CCDC141: variants seen among roughly 807,000 people sequenced by gnomAD.
The protein encoded by CCDC141 is coiled-coil domain containing 141, also known as coiled-coil domain-containing protein 141.
In CCDC141, 168 loss-of-function variants were observed where a neutral mutation model predicts 181.0. The observed-to-expected ratio is 0.93, with a 90% CI of 0.82 to 1.05. CCDC141 has a LOEUF of 1.05. Among genes scored for constraint, CCDC141 ranks in the 50% least tolerant of loss-of-function variants. The probability of loss-of-function intolerance (pLI) is 0.00; values close to 1 mark genes in which losing one functional copy is unlikely to be tolerated. For missense variants in CCDC141, 1,902 were observed against 1,788.5 expected (o/e 1.06, Z -1.14); for synonymous variants, 666 against 642.3 (o/e 1.04, Z -0.56).
intron 6 of CCDC141, among the ~76,000 whole-genome samples, chr2:178,931,829 C>T (rs1006530504): frequency 5.9e-5 from 9 of 151,950 alleles, no homozygotes; most frequent in African/African-American, 2.2e-4. Context: ...TCTTAAAGCC[C>T]ATATTATGTT....
intron 14 of CCDC141, among the ~76,000 whole-genome samples, chr2:178,869,575 C>A (rs984022887): frequency 1.3e-5 from 2 of 152,154 alleles, no homozygotes; most frequent in Admixed American, 1.3e-4. Context: ...TCATACATTT[C>A]TATGGCATAC....
intron 6 of CCDC141, among the ~76,000 whole-genome samples, chr2:178,923,004 A>G (rs1279805595): frequency 2.0e-5 from 3 of 152,106 alleles, no homozygotes; most frequent in Admixed American, 1.3e-4. Flanking sequence ...TCTTTGGGCA[A>G]TCTATAGGCA....
intron 8 of CCDC141, among the ~76,000 whole-genome samples, chr2:178,889,058 C>T (rs1687021941): frequency 6.6e-6 from 1 of 152,050 alleles, no homozygotes; most frequent in Non-Finnish European, 1.5e-5. Context: ...TGTGGATCAG[C>T]CAATTAACAA....
chr2:178,943,693 C>T (rs1305182970), intron 6 of CCDC141, among the ~76,000 whole-genome samples: 3 of 151,990 alleles, frequency 2.0e-5, no homozygotes, highest in Non-Finnish European at 2.9e-5. Context: ...TCTACTATGA[C>T]GGACTTCTGT....
Position 178,865,815 on chromosome 2 carries a change from G to A in CCDC141, c.2676C>T (p.Thr892=), listed in dbSNP as rs1685823924. ...WRAKAEEYGR[T]LSRSVEYCAM... ...CGCAGTACTCCACACTACGGGACAG[G>A]GTCCGTCCATACTCCTCAGCTTTGG... Residue 892 remains threonine, a synonymous_variant, in exon 17 of 24, where the codon ACC becomes ACT. Coordinates refer to ENST00000443758, the MANE Select transcript of CCDC141 (RefSeq NM_173648.4). 1 of 1,605,304 alleles carries A rather than the reference G, an allele frequency of 6.2e-7. No individual in the cohort carries two copies. Among genetic ancestry groups the A allele is most frequent in the Non-Finnish European group, 8.5e-7 (1 of 1,175,636 alleles).
intron 2 of CCDC141, among the ~76,000 whole-genome samples, chr2:179,032,118 A>C (rs1263283024): frequency 1.3e-5 from 2 of 152,052 alleles, no homozygotes; most frequent in Non-Finnish European, 2.9e-5. Context: ...GTACCCTGGA[A>C]ACCCCCCTTA....
intron 6 of CCDC141, among the ~76,000 whole-genome samples, chr2:178,926,326 T>G (rs1265301075): frequency 6.6e-6 from 1 of 152,210 alleles, no homozygotes; most frequent in African/African-American, 2.4e-5. Flanking sequence ...AATTGGAAGA[T>G]AGATTCTATA....
At chr2:178,880,803 T>C (rs914500663) in intron 11 of CCDC141, among the ~76,000 whole-genome samples, 2 of 152,092 alleles carry the variant, frequency 1.3e-5, no homozygotes, top group Non-Finnish European at 2.9e-5. Context: ...GAGAAAGTGA[T>C]TAAAAGAGAC....
At position 178,971,380 on chromosome 2, in the gene CCDC141, C is replaced by T. The variant is rs185181928; in HGVS notation, c.526+3677G>A. Among the ~76,000 whole-genome samples, 725 of 152,324 alleles carry T rather than the reference C, an allele frequency of 4.8e-3. 7 individuals are homozygous for T. The highest frequency in any genetic ancestry group is 0.017 in the African/African-American group (695 of 41,562). On this transcript the variant is annotated intron_variant, in intron 4 of 23. Transcript: ENST00000443758. ...TCAAAACCACAATGAGATACCATCT[C>T]ACACCAGTTAGAATGGCAATCATCA...
chr2:178,831,891 A>G lies in CCDC141; in HGVS notation c.*2282T>C, dbSNP rs1187253755. 1 of 151,820 alleles carries G rather than the reference A, an allele frequency of 6.6e-6. No homozygotes were observed. The highest frequency in any genetic ancestry group is 1.5e-5 in the Non-Finnish European group (1 of 68,144). The allele number at this position is 151,820 out of a possible 1,614,324, so 9.4% of individuals were successfully genotyped here. ...CTTTCTCTTTCTCTCTCTCTCTAAAAATGGATTTTGCATGCTTTTTTCCAT... is the reference window on the plus strand; with the variant it reads ...CTTTCTCTTTCTCTCTCTCTCTAAAGATGGATTTTGCATGCTTTTTTCCAT... On this transcript the variant is annotated 3_prime_UTR_variant, in exon 24 of 24. Transcript: ENST00000443758.
At chr2:178,925,549 A>C (rs1688876823) in intron 6 of CCDC141, among the ~76,000 whole-genome samples, 1 of 152,250 alleles carries the variant, frequency 6.6e-6, no homozygotes, top group African/African-American at 2.4e-5. Context: ...AACATAGATG[A>C]AAATTTAATT....
intron 11 of CCDC141, among the ~76,000 whole-genome samples, chr2:178,883,656 C>T (rs566008752): frequency 8.5e-5 from 13 of 152,262 alleles, no homozygotes; most frequent in African/African-American, 2.9e-4. Context: ...GTTGGCTCTA[C>T]CCCTGAGTGA....
At chr2:178,986,466 G>A (rs538956710) in intron 2 of CCDC141, among the ~76,000 whole-genome samples, 1 of 152,300 alleles carries the variant, frequency 6.6e-6, no homozygotes, top group East Asian at 1.9e-4. Context: ...GTTCTGGCCA[G>A]GGCAATTAGG....
At position 178,982,207 on chromosome 2, in the gene CCDC141, C is replaced by T. The variant is rs75810234; in HGVS notation, c.226-3532G>A. ...AGGTGACTACACTGGTGAATTCTAC[C>T]AAATGTTTAAAGAAGAAATGATGCT... On this transcript the variant is annotated intron_variant, in intron 2 of 23. Coordinates refer to ENST00000443758, the MANE Select transcript of CCDC141 (RefSeq NM_173648.4). Among the ~76,000 whole-genome samples, 16 of 152,094 alleles carry T rather than the reference C, an allele frequency of 1.1e-4. 1 individual carries two copies. The East Asian group carries it at 3.1e-3, about 29-fold the overall frequency.
the CCDC141 span, among the ~76,000 whole-genome samples, chr2:178,815,135 T>C: frequency 2.0e-5 from 3 of 152,162 alleles, no homozygotes; most frequent in Non-Finnish European, 2.9e-5. Context: ...AAGTTTAAGT[T>C]GCCCAGTCTG....
chr2:178,977,255 T>C (rs1053289682), intron 3 of CCDC141, among the ~76,000 whole-genome samples: 7 of 152,206 alleles, frequency 4.6e-5, no homozygotes, highest in Non-Finnish European at 2.9e-5. Context: ...TTACTCATCA[T>C]GGAGAAAATA....
intron 2 of CCDC141, among the ~76,000 whole-genome samples, chr2:179,005,235 G>A (rs144738752): frequency 2.0e-5 from 3 of 152,112 alleles, no homozygotes; most frequent in African/African-American, 4.8e-5. Flanking sequence ...TGAAAAATAT[G>A]CAGGTAAATG....
chr2:178,973,050 G>A (rs1690967555), intron 4 of CCDC141, among the ~76,000 whole-genome samples: 1 of 152,138 alleles, frequency 6.6e-6, no homozygotes, highest in Non-Finnish European at 1.5e-5. Flanking sequence ...ATGGCTAGCT[G>A]CACTTATAGA....
intron 2 of CCDC141, among the ~76,000 whole-genome samples, chr2:179,034,965 A>T (rs1271755326): frequency 6.6e-6 from 1 of 152,184 alleles, no homozygotes; most frequent in Non-Finnish European, 1.5e-5. Context: ...TTTGTCCATT[A>T]AATTAGTCTA....
Sources: allele counts gnomAD v4.1 joint callset (sites outside exome capture counted in the v4.1 genomes callset), GRCh38; gene constraint gnomAD v4.1.1; transcripts MANE v1.5; gene names NCBI Gene and HGNC (gene_info 2026-07-23, HGNC 2026-07-21).